Variants in PKNOX2 observed in about 807,000 individuals in gnomAD.
PKNOX2 encodes homeobox protein PKNOX2.
A neutral mutation model predicts 53.1 loss-of-function variants in PKNOX2; 14 were observed. That is an observed-to-expected ratio of 0.26 (90% CI 0.17 to 0.41). The LOEUF is 0.41. Ranked by LOEUF, PKNOX2 falls within the 10% of genes least tolerant of loss-of-function variation. The probability of loss-of-function intolerance (pLI) is 1.00; values close to 1 mark genes in which losing one functional copy is unlikely to be tolerated. For missense variants in PKNOX2, 496 were observed against 602.8 expected (o/e 0.82, Z 1.85); for synonymous variants, 257 against 242.8 (o/e 1.06, Z -0.54).
intron 1 of PKNOX2, among the ~76,000 whole-genome samples, chr11:125,201,136 T>C (rs1194014612): frequency 1.3e-5 from 2 of 152,188 alleles, no homozygotes; most frequent in East Asian, 3.9e-4. Context: ...ATGAACCCTT[T>C]CTGACCTGAG....
At chr11:125,235,865 A>G (rs555605482) in intron 2 of PKNOX2, among the ~76,000 whole-genome samples, 126 of 152,204 alleles carry the variant, frequency 8.3e-4, no homozygotes, top group African/African-American at 3.0e-3. Context: ...CTGGGGGGTA[A>G]AGTCTGGGAT....
At position 125,411,847 on chromosome 11, in the gene PKNOX2, G is replaced by A; in HGVS notation, c.918G>A (p.Trp306Ter). 6.2e-7 allele frequency: 1 copy of A among 1,614,122 alleles called. No individual in the cohort carries two copies. Among genetic ancestry groups the A allele is most frequent in the South Asian group, 1.1e-5 (1 of 91,064 alleles). ...ATGCCACCAATATAATGCGTTCTTG[G>A]CTCTTCCAGCATCTCATGGTGAGTG... is the stretch of plus-strand genomic sequence containing the variant. ...PKHATNIMRS[W>*]LFQHLMHPYP... The change falls in exon 10 of 13, where the codon TGG becomes TGA. Residue 306 changes from tryptophan (W) to a stop codon, truncating the protein, a stop_gained. Transcript: ENST00000298282. LOFTEE classifies it high-confidence loss of function.
chr11:125,398,045 A>G lies in PKNOX2; in HGVS notation c.571A>G (p.Ile191Val), dbSNP rs1954517454. 6.2e-7 allele frequency: 1 copy of G among 1,611,804 alleles called. No homozygotes were observed. Among genetic ancestry groups the G allele is most frequent in the African/African-American group, 1.3e-5 (1 of 74,900 alleles). The change falls in exon 7 of 13, where the codon ATC (isoleucine) becomes GTC (valine). Residue 191 changes from isoleucine (I) to valine (V), a missense_variant. Transcript: ENST00000298282. ...GCCCTACTCCCCCAACCAGCCCTCCATCAACCTTCACTCACAGGTAACACC... is the reference window on the plus strand; with the variant it reads ...GCCCTACTCCCCCAACCAGCCCTCCGTCAACCTTCACTCACAGGTAACACC... ...GGPYSPNQPS[I>V]NLHSQDLLQN...
chr11:125,425,076 G>A (rs1393949798), intron 10 of PKNOX2, among the ~76,000 whole-genome samples: 8 of 152,162 alleles, frequency 5.3e-5, no homozygotes, highest in Non-Finnish European at 1.0e-4. Context: ...AGATGATGCC[G>A]GGAGGCTTCA....
At chr11:125,261,597 T>C (rs1202321610) in intron 2 of PKNOX2, among the ~76,000 whole-genome samples, 4 of 152,218 alleles carry the variant, frequency 2.6e-5, no homozygotes, top group African/African-American at 9.6e-5. Context: ...GTTGCTCATC[T>C]GTTCAAGAAC....
intron 4 of PKNOX2, among the ~76,000 whole-genome samples, chr11:125,356,207 TAGAA>T (rs1951606026): frequency 6.6e-6 from 1 of 152,222 alleles, no homozygotes; most frequent in Non-Finnish European, 1.5e-5. Flanking sequence ...AGCATTGGAC[TAGAA>T]AGCAGAAATC....
At chr11:125,236,299 A>G (rs1753301118) in intron 2 of PKNOX2, among the ~76,000 whole-genome samples, 3 of 145,716 alleles carry the variant, frequency 2.1e-5, no homozygotes. Flanking sequence ...AGCCCTGCTC[A>G]GGAGCAGTCG....
intron 4 of PKNOX2, among the ~76,000 whole-genome samples, chr11:125,359,156 C>CGGAA (rs1565505816): frequency 2.0e-5 from 3 of 152,166 alleles, no homozygotes; most frequent in Admixed American, 1.3e-4. Flanking sequence ...TGGACACCAT[C>CGGAA]AGGTGCGCTC....
intron 5 of PKNOX2, among the ~76,000 whole-genome samples, chr11:125,374,504 C>T (rs779088521): frequency 6.6e-6 from 1 of 152,196 alleles, no homozygotes; most frequent in African/African-American, 2.4e-5. Context: ...CTCAGATTTC[C>T]TCTGTACCAG....
At chr11:125,322,489 G>A (rs761777304) in intron 2 of PKNOX2, among the ~76,000 whole-genome samples, 11 of 152,124 alleles carry the variant, frequency 7.2e-5, no homozygotes, top group Admixed American at 1.3e-4. Context: ...TGTCCTCTGC[G>A]TTTTCCATGA....
chr11:125,178,520 A>G (rs541192407), intron 1 of PKNOX2, among the ~76,000 whole-genome samples: 2 of 148,476 alleles, frequency 1.3e-5, no homozygotes, highest in East Asian at 2.0e-4. Context: ...CAAAAAAAAA[A>G]AAGAAGAAAG....
chr11:125,214,144 C>T (rs1940207453), intron 1 of PKNOX2, among the ~76,000 whole-genome samples: 1 of 152,126 alleles, frequency 6.6e-6, no homozygotes, highest in African/African-American at 2.4e-5. Flanking sequence ...CTCAGTTCTG[C>T]CTGGCCCTAA....
chr11:125,272,339 C>T (rs956724608), intron 2 of PKNOX2, among the ~76,000 whole-genome samples: 7 of 152,206 alleles, frequency 4.6e-5, no homozygotes, highest in African/African-American at 1.7e-4. Context: ...CTGTGAAGCT[C>T]TTTACCAATT....
At chr11:125,284,895 G>C (rs918143988) in intron 2 of PKNOX2, among the ~76,000 whole-genome samples, 4 of 151,982 alleles carry the variant, frequency 2.6e-5, no homozygotes, top group Non-Finnish European at 4.4e-5. Context: ...GAGGTTCCCT[G>C]GCTTCTATGG....
chr11:125,369,589 GC>G (rs979865253), intron 5 of PKNOX2, among the ~76,000 whole-genome samples: 2 of 152,216 alleles, frequency 1.3e-5, no homozygotes, highest in Non-Finnish European at 2.9e-5. Flanking sequence ...CGTGGTCAGA[GC>G]AACAGGGAAG....
chr11:125,249,497 G>C (rs541033496), intron 2 of PKNOX2, among the ~76,000 whole-genome samples: 4 of 152,228 alleles, frequency 2.6e-5, no homozygotes, highest in South Asian at 4.2e-4. Context: ...CTTTTTTCTT[G>C]TCATTATTTC....
intron 1 of PKNOX2, among the ~76,000 whole-genome samples, chr11:125,212,338 C>T (rs1294452108): frequency 6.6e-6 from 1 of 152,046 alleles, no homozygotes; most frequent in East Asian, 1.9e-4. Context: ...CAGGAGTGTC[C>T]TCCAGGACTA....
chr11:125,308,119 A>C lies in PKNOX2; in HGVS notation c.-129-23700A>C, dbSNP rs574482238. On this transcript the variant is annotated intron_variant, in intron 2 of 12. Coordinates refer to ENST00000298282, the MANE Select transcript of PKNOX2 (RefSeq NM_001382323.2). Reference sequence around the variant, plus strand: ...ATTTGTGCAGTATCAGCTGGTGTTGAGCGTATGGTCCCGGGAGACCCCTGG... The same window carrying C: ...ATTTGTGCAGTATCAGCTGGTGTTGCGCGTATGGTCCCGGGAGACCCCTGG... Among the ~76,000 whole-genome samples the C allele has an allele frequency of 1.1e-3, 166 of 152,294 alleles. 1 individual carries two copies. Among genetic ancestry groups the C allele is most frequent in the Non-Finnish European group, 2.1e-3 (144 of 68,016 alleles).
chr11:125,330,573 C>T (rs1371300562), intron 2 of PKNOX2, among the ~76,000 whole-genome samples: 1 of 152,098 alleles, frequency 6.6e-6, no homozygotes, highest in Non-Finnish European at 1.5e-5. Context: ...CTTCCTTCAG[C>T]TCATCCCACC....
Sources: gnomAD v4.1 joint callset for allele counts (sites outside exome capture counted in the v4.1 genomes callset) on GRCh38, gnomAD v4.1.1 for gene constraint, MANE v1.5 for transcripts, NCBI Gene and HGNC (gene_info 2026-07-23, HGNC 2026-07-21) for gene names.